Variants in HTR2A observed in about 807,000 individuals in gnomAD.
HTR2A encodes the protein 5-HT2 receptor.
HTR2A carries 14 observed loss-of-function variants against 31.0 expected under a neutral mutation model. The observed-to-expected ratio is 0.45, with a 90% CI of 0.30 to 0.71. The LOEUF is 0.71. Ranked by LOEUF, HTR2A falls within the 30% of genes least tolerant of loss-of-function variation. The pLI is 0.09. For synonymous variants in HTR2A, 209 were observed against 225.2 expected (o/e 0.93, Z 0.64); for missense variants, 442 against 573.3 (o/e 0.77, Z 2.34).
chr13:46,891,368 A>C (rs1385583401), intron 3 of HTR2A, among the ~76,000 whole-genome samples: 2 of 152,196 alleles, frequency 1.3e-5, no homozygotes, highest in Non-Finnish European at 2.9e-5. Context: ...TTTGAATCCC[A>C]GTTTTTCCTC....
At position 46,833,510 on chromosome 13, in the gene HTR2A, G is replaced by A. The variant is rs1876323416; in HGVS notation, c.*1327C>T. ...CCTGTAGCTGGGACCACAGTTGTGT[G>A]CCACAAGGATCAGATAATTTTTTGA... On this transcript the variant is annotated 3_prime_UTR_variant, in exon 4 of 4. Transcript: ENST00000542664. 6.6e-6 allele frequency: 1 copy of A among 151,958 alleles called. No homozygotes were observed. Among genetic ancestry groups the A allele is most frequent in the South Asian group, 2.1e-4 (1 of 4,814 alleles). 9.4% of individuals were successfully genotyped at this position (151,958 alleles called of 1,614,324 possible).
chr13:46,896,599 A>T, intron 1 of HTR2A, 75 bp downstream of exon 1: 1 of 1,082,676 alleles, frequency 9.2e-7, no homozygotes, highest in Non-Finnish European at 1.3e-6. Flanking sequence ...TGAAATGATT[A>T]CATGTTGGCC....
At chr13:46,855,985 A>G (rs1363350825) in intron 3 of HTR2A, 2 of 152,204 alleles carry the variant, frequency 1.3e-5, no homozygotes, top group Admixed American at 1.3e-4. Context: ...GTTCTTTGAC[A>G]TTCCAAAATA....
rs957139677 is a variant in HTR2A, at chr13:46,832,512, G to C, written c.*2325C>G. ...TAATGTACATTCTGATCAAGATTGA[G>C]TATATGGGGGTAGAATCTGTAATCT... On this transcript the variant is annotated 3_prime_UTR_variant, in exon 4 of 4. Coordinates refer to ENST00000542664, the MANE Select transcript of HTR2A (RefSeq NM_000621.5). 6.6e-5 allele frequency: 10 copies of C among 152,186 alleles called. No homozygotes were observed. The highest frequency in any genetic ancestry group is 1.5e-5 in the Non-Finnish European group (1 of 68,000). The allele number at this position is 152,186 out of a possible 1,614,324, so 9.4% of individuals were successfully genotyped here.
In HTR2A at chr13:46,896,795, G is replaced by A. The variant is rs373034731; in HGVS notation, c.-450C>T. 44 of 1,536,862 alleles carry A rather than the reference G, an allele frequency of 2.9e-5. No homozygotes were observed. The highest frequency in any genetic ancestry group is 3.7e-5 in the Non-Finnish European group (42 of 1,146,752). ...GATCTTCCACCAGCATAATATGATA[G>A]TAATTTGGTTTCTGTTTTGCTGACT... On this transcript the variant is annotated 5_prime_UTR_variant, in exon 1 of 4. Coordinates refer to ENST00000542664, the MANE Select transcript of HTR2A (RefSeq NM_000621.5).
At chr13:46,870,905 A>C (rs1950859558) in intron 3 of HTR2A, among the ~76,000 whole-genome samples, 1 of 152,192 alleles carries the variant, frequency 6.6e-6, no homozygotes, top group Non-Finnish European at 1.5e-5. Flanking sequence ...ATATAGTTTG[A>C]AATTAGCTTA....
intron 3 of HTR2A, among the ~76,000 whole-genome samples, chr13:46,848,334 A>C (rs559285016): frequency 6.6e-6 from 1 of 152,340 alleles, no homozygotes; most frequent in East Asian, 1.9e-4. Context: ...AGCTTTAATC[A>C]AGAAGTTTAT....
At chr13:46,876,607 T>G (rs1210690466) in intron 3 of HTR2A, among the ~76,000 whole-genome samples, 2 of 151,492 alleles carry the variant, frequency 1.3e-5, no homozygotes, top group African/African-American at 2.4e-5. Flanking sequence ...TAGTAGAGAC[T>G]GGGTTTCACT....
chr13:46,839,876 C>T (rs1231576708), intron 3 of HTR2A, among the ~76,000 whole-genome samples: 1 of 152,170 alleles, frequency 6.6e-6, no homozygotes, highest in Admixed American at 6.5e-5. Context: ...CAATAATTCA[C>T]TTTGAACCGC....
In HTR2A at chr13:46,895,925, A is replaced by C; in HGVS notation, c.-19T>G. The stretch of plus-strand genomic sequence containing the variant: ...TATCCATGTCTAAGCCAGAACTTGT[A>C]GCAGATGAGGTGTAGAAGGACTAAC... On this transcript the variant is annotated 5_prime_UTR_variant, in exon 2 of 4. Coordinates refer to ENST00000542664, the MANE Select transcript of HTR2A (RefSeq NM_000621.5). The surrounding 1 kb of genome is among the most constrained non-coding windows in gnomAD (Gnocchi z 4.4). The C allele has an allele frequency of 6.3e-7, 1 of 1,593,966 alleles. No individual in the cohort carries two copies. Among genetic ancestry groups the C allele is most frequent in the Non-Finnish European group, 8.5e-7 (1 of 1,170,376 alleles).
chr13:46,839,424 C>CCT (rs558631141), intron 3 of HTR2A, among the ~76,000 whole-genome samples: 39 of 152,214 alleles, frequency 2.6e-4, no homozygotes, highest in Admixed American at 2.2e-3. Flanking sequence ...AAAGCATGTG[C>CCT]CTCTACCAAG....
chr13:46,863,657 A>AAAAGG (rs1555298355), intron 3 of HTR2A, among the ~76,000 whole-genome samples: 1 of 118,256 alleles, frequency 8.5e-6, no homozygotes, highest in East Asian at 2.5e-4. Flanking sequence ...AAAGAAAAAA[A>AAAAGG]AAAAAGACAG....
intron 3 of HTR2A, among the ~76,000 whole-genome samples, chr13:46,844,171 C>G (rs187411104): frequency 6.6e-6 from 1 of 152,258 alleles, no homozygotes; most frequent in African/African-American, 2.4e-5. Flanking sequence ...GCAGGGATAT[C>G]TTTTTCTTTG....
chr13:46,838,601 T>C (rs1950576320), intron 3 of HTR2A, among the ~76,000 whole-genome samples: 1 of 152,170 alleles, frequency 6.6e-6, no homozygotes, highest in Admixed American at 6.6e-5. Context: ...TTTTGGCTAT[T>C]GGCCGTAGAG....
chr13:46,835,649 A>G lies in HTR2A; in HGVS notation c.614-10T>C, dbSNP rs1472471931. The G allele has an allele frequency of 1.3e-6, 2 of 1,585,614 alleles. No homozygotes were observed. The highest frequency in any genetic ancestry group is 2.7e-5 in the African/African-American group (2 of 73,630). ...ATTGGCATGGATATACCTGGAGTTG[A>G]ACAGAAAATGAAACATGATTATTAA... On this transcript the variant is annotated splice_polypyrimidine_tract_variant and intron_variant, in intron 3 of 3. Coordinates refer to ENST00000542664, the MANE Select transcript of HTR2A (RefSeq NM_000621.5).
At chr13:46,860,087 C>T (rs78702584) in intron 3 of HTR2A, among the ~76,000 whole-genome samples, 173 of 152,234 alleles carry the variant, frequency 1.1e-3, no homozygotes, top group African/African-American at 3.9e-3. Context: ...TCTATTTGCC[C>T]TTTTCGAGGA....
intron 3 of HTR2A, among the ~76,000 whole-genome samples, chr13:46,862,657 A>G (rs545414629): frequency 3.3e-5 from 5 of 152,316 alleles, no homozygotes; most frequent in African/African-American, 1.2e-4. Flanking sequence ...TAAGTGAACT[A>G]TTTGAGACAA....
At chr13:46,894,575 C>T (rs936707493) in intron 2 of HTR2A, among the ~76,000 whole-genome samples, 9 of 152,236 alleles carry the variant, frequency 5.9e-5, no homozygotes, top group Non-Finnish European at 1.0e-4. Context: ...ATCTTAGCCC[C>T]TAAGACTTGA....
chr13:46,879,981 G>A (rs981385032), intron 3 of HTR2A, among the ~76,000 whole-genome samples: 16 of 150,804 alleles, frequency 1.1e-4, no homozygotes, highest in African/African-American at 3.9e-4. Context: ...CTCCAGCCTA[G>A]GTGACAGAGT....
Sources: allele counts gnomAD v4.1 joint callset (sites outside exome capture counted in the v4.1 genomes callset), GRCh38; gene constraint gnomAD v4.1.1; non-coding constraint Gnocchi (gnomAD v3.1); transcripts MANE v1.5; gene names NCBI Gene and HGNC (gene_info 2026-07-23, HGNC 2026-07-21).